MGAT4C: variants seen among roughly 807,000 people sequenced by gnomAD.
MGAT4C encodes the protein alpha-1,3-mannosyl-glycoprotein 4-beta-N-acetylglucosaminyltransferase C.
MGAT4C carries 19 observed loss-of-function variants against 40.1 expected under a neutral mutation model. That is an observed-to-expected ratio of 0.47 (90% CI 0.33 to 0.70). MGAT4C has a LOEUF of 0.70. Among genes scored for constraint, MGAT4C ranks in the 30% least tolerant of loss-of-function variants. MGAT4C has a pLI of 0.02. For missense variants in MGAT4C, 491 were observed against 563.2 expected (o/e 0.87, Z 1.30); for synonymous variants, 181 against 187.1 (o/e 0.97, Z 0.27).
chr12:86,803,467 A>C (rs1409286571), intron 1 of MGAT4C, among the ~76,000 whole-genome samples: 1 of 152,132 alleles, frequency 6.6e-6, no homozygotes, highest in Admixed American at 6.6e-5. Flanking sequence ...CTACCATCAG[A>C]GTGAACAGGC....
rs907418805 is a variant in MGAT4C at position 85,972,724 on chromosome 12, A to C, written c.*6565T>G. On this transcript the variant is annotated 3_prime_UTR_variant, in exon 5 of 5. Coordinates refer to ENST00000611864, the MANE Select transcript of MGAT4C (RefSeq NM_001351288.2). ...GGACAATTATGATAAAGGATCTGAG[A>C]TAATTGGACAATTATGATAAAGGAT... 9 of 151,048 alleles carry C rather than the reference A, an allele frequency of 6.0e-5. No individual in the cohort carries two copies. The highest frequency in any genetic ancestry group is 2.2e-4 in the African/African-American group (9 of 41,338). The allele number at this position is 151,048 out of a possible 1,614,324, so 9.4% of individuals were successfully genotyped here.
intron 2 of MGAT4C, among the ~76,000 whole-genome samples, chr12:86,045,045 G>C (rs573368039): frequency 2.0e-5 from 3 of 151,892 alleles, no homozygotes. Context: ...TCCCGTTCAG[G>C]GTTCCCAGCC....
intron 2 of MGAT4C, among the ~76,000 whole-genome samples, chr12:86,558,336 A>G (rs1959708687): frequency 6.6e-6 from 1 of 152,148 alleles, no homozygotes; most frequent in Non-Finnish European, 1.5e-5. Flanking sequence ...TGATATTGAT[A>G]TCTACATTTA....
chr12:86,799,656 G>A (rs1229029053), intron 1 of MGAT4C, among the ~76,000 whole-genome samples: 1 of 151,574 alleles, frequency 6.6e-6, no homozygotes, highest in East Asian at 1.9e-4. Flanking sequence ...TTTTTTTATG[G>A]CCTTCAATGT....
chr12:86,725,822 C>G (rs1340595332), intron 2 of MGAT4C, among the ~76,000 whole-genome samples: 2 of 152,138 alleles, frequency 1.3e-5, no homozygotes, highest in Non-Finnish European at 1.5e-5. Context: ...GATTAAAATA[C>G]AGTAGACACA....
At chr12:86,481,792 T>C (rs1957942299) in intron 2 of MGAT4C, among the ~76,000 whole-genome samples, 1 of 151,960 alleles carries the variant, frequency 6.6e-6, no homozygotes, top group Non-Finnish European at 1.5e-5. Context: ...ATTTTTCACT[T>C]TTTTTAAAGA....
At chr12:86,459,164 A>T (rs1169777952) in intron 2 of MGAT4C, among the ~76,000 whole-genome samples, 1 of 152,144 alleles carries the variant, frequency 6.6e-6, no homozygotes, top group Non-Finnish European at 1.5e-5. Flanking sequence ...GTTTAATGTA[A>T]AAAACATTAA....
chr12:86,798,327 C>A (rs1952167149), intron 1 of MGAT4C, among the ~76,000 whole-genome samples: 1 of 151,890 alleles, frequency 6.6e-6, no homozygotes, highest in African/African-American at 2.4e-5. Flanking sequence ...GTCTCCTCTG[C>A]CAGGAATGTT....
intron 1 of MGAT4C, among the ~76,000 whole-genome samples, chr12:86,808,318 T>C (rs552282369): frequency 1.3e-5 from 2 of 152,030 alleles, no homozygotes; most frequent in Admixed American, 6.6e-5. Context: ...GGCAGAGATA[T>C]ACAACAAAAA....
chr12:86,312,003 A>G (rs976001767), intron 4 of MGAT4C, among the ~76,000 whole-genome samples: 2 of 152,208 alleles, frequency 1.3e-5, no homozygotes, highest in African/African-American at 4.8e-5. Flanking sequence ...AATATTAAAT[A>G]GAAAATAAAA....
rs553685192 is a variant in MGAT4C at position 86,772,962 on chromosome 12, A to G, written c.-261-45721T>C. ...GTGACTTAGAGTTGATTCTGGAATG[A>G]GTTAAGACTAGGGGCTGCTGGGATG... On this transcript the variant is annotated intron_variant, in intron 1 of 7. Coordinates refer to the MGAT4C transcript ENST00000548651. 1.2e-4 allele frequency among the ~76,000 whole-genome samples: 18 copies of G among 152,192 alleles called. No homozygotes were observed. In the South Asian group the frequency reaches 3.5e-3, roughly 30 times the overall value.
chr12:86,406,181 C>G (rs1480493287), intron 3 of MGAT4C, among the ~76,000 whole-genome samples: 2 of 150,454 alleles, frequency 1.3e-5, no homozygotes, highest in Non-Finnish European at 3.0e-5. Flanking sequence ...TATTTAGCAT[C>G]TAGAGCTAGT....
intron 3 of MGAT4C, among the ~76,000 whole-genome samples, chr12:86,372,521 T>C (rs1652399095): frequency 6.6e-6 from 1 of 151,912 alleles, no homozygotes; most frequent in African/African-American, 2.4e-5. Flanking sequence ...AATGATGAAT[T>C]ATGCAGTTCA....
chr12:86,203,509 TTCTC>T (rs150452881), intron 1 of MGAT4C, among the ~76,000 whole-genome samples: 5,271 of 152,150 alleles, frequency 0.035, 318 homozygotes, highest in African/African-American at 0.12. Context: ...ATTATGTATC[TTCTC>T]TCTCTCTGAT....
intron 1 of MGAT4C, among the ~76,000 whole-genome samples, chr12:86,736,158 A>G (rs564972040): frequency 6.6e-6 from 1 of 151,836 alleles, no homozygotes; most frequent in South Asian, 2.1e-4. Context: ...CTTCTTCTCA[A>G]TCATCTTGGT....
In MGAT4C at chr12:86,537,386, A is replaced by C. The variant is rs188662017; in HGVS notation, c.-228-102121T>G. On this transcript the variant is annotated intron_variant, in intron 2 of 7. Transcript: ENST00000548651. ...TAAAGTATAACAAAAAAAAAACAACAGTTAAGGCTTTTTCATACTTGTTAA... is the reference window on the plus strand; with the variant it reads ...TAAAGTATAACAAAAAAAAAACAACCGTTAAGGCTTTTTCATACTTGTTAA... Among the ~76,000 whole-genome samples, 1,043 of 152,086 alleles carry C rather than the reference A, an allele frequency of 6.9e-3. 5 individuals carry two copies. The highest frequency in any genetic ancestry group is 0.011 in the Non-Finnish European group (738 of 67,916).
chr12:86,547,870 T>C (rs1426451862), intron 2 of MGAT4C, among the ~76,000 whole-genome samples: 1 of 152,142 alleles, frequency 6.6e-6, no homozygotes, highest in Non-Finnish European at 1.5e-5. Context: ...GAATTCACTT[T>C]ACAGGGTAGG....
chr12:86,301,626 C>G (rs936482874), intron 4 of MGAT4C, among the ~76,000 whole-genome samples: 2 of 152,056 alleles, frequency 1.3e-5, no homozygotes, highest in African/African-American at 4.8e-5. Context: ...ACAAATTATC[C>G]TCTATTTTCA....
intron 1 of MGAT4C, among the ~76,000 whole-genome samples, chr12:86,833,971 C>A (rs1016523970): frequency 6.6e-6 from 1 of 151,690 alleles, no homozygotes; most frequent in African/African-American, 2.4e-5. Context: ...ATAATGTCCT[C>A]CAGGTTCACC....
Sources: gnomAD v4.1 joint callset for allele counts (sites outside exome capture counted in the v4.1 genomes callset) on GRCh38, gnomAD v4.1.1 for gene constraint, MANE v1.5 for transcripts, NCBI Gene and HGNC (gene_info 2026-07-23, HGNC 2026-07-21) for gene names.